FARS2: variants seen among roughly 807,000 people sequenced by gnomAD.
FARS2 encodes the protein phenylalanyl-tRNA synthetase 2, mitochondrial.
In FARS2, 40 loss-of-function variants were observed where a neutral mutation model predicts 46.4. The ratio of observed to expected loss-of-function variants is 0.86; its 90% CI spans 0.67 to 1.12. FARS2 has a LOEUF of 1.12. Ranked by LOEUF, FARS2 falls within the 50% of genes most tolerant of loss-of-function variation. The pLI is 0.00. For missense variants in FARS2, 513 were observed against 567.9 expected (o/e 0.90, Z 0.98); for synonymous variants, 234 against 214.9 (o/e 1.09, Z -0.78).
chr6:5,397,573 T>C (rs770397813), intron 2 of FARS2, among the ~76,000 whole-genome samples: 6 of 152,210 alleles, frequency 3.9e-5, no homozygotes, highest in Non-Finnish European at 5.9e-5. Flanking sequence ...CTCTGTATCT[T>C]CCTCTCAGTT....
In FARS2 at chr6:5,764,199, C is replaced by T. The variant is rs560199464; in HGVS notation, c.1218-7092C>T. On this transcript the variant is annotated intron_variant, in intron 6 of 6. Coordinates refer to ENST00000274680, the MANE Select transcript of FARS2 (RefSeq NM_006567.5). The surrounding 1 kb of genome is among the most constrained non-coding windows in gnomAD (Gnocchi z 4.1). ...CACTCTGCAGATGGAGTTATTGAGG[C>T]GAGAAGGGTGATGTAAGCTGCCCAG... Among the ~76,000 whole-genome samples the T allele has an allele frequency of 2.0e-5, 3 of 152,156 alleles. No homozygotes were observed. Among genetic ancestry groups the T allele is most frequent in the South Asian group, 2.1e-4 (1 of 4,824 alleles).
At chr6:5,324,915 A>T (rs1321736310) in intron 1 of FARS2, among the ~76,000 whole-genome samples, 1 of 151,982 alleles carries the variant, frequency 6.6e-6, no homozygotes, top group African/African-American at 2.4e-5. Context: ...TGAGAGCATC[A>T]TGTTGAGAGA....
Position 5,758,676 on chromosome 6 carries a change from A to G in FARS2, c.1218-12615A>G, listed in dbSNP as rs73364253. On this transcript the variant is annotated intron_variant, in intron 6 of 6. Coordinates refer to ENST00000274680, the MANE Select transcript of FARS2 (RefSeq NM_006567.5). ...AATGTGTTCCCCTAAATGAGTTCCC[A>G]TCATATCTTCAACAAGTTTCACTTG... Among the ~76,000 whole-genome samples the G allele has an allele frequency of 6.0e-3, 910 of 152,322 alleles. 16 individuals are homozygous for G. Among genetic ancestry groups the G allele is most frequent in the African/African-American group, 0.02 (840 of 41,572 alleles).
chr6:5,404,724 A>G, intron 3 of FARS2, 23 bp downstream of exon 3: 2 of 1,510,472 alleles, frequency 1.3e-6, no homozygotes, highest in Non-Finnish European at 1.8e-6. Flanking sequence ...ACACAGGTTG[A>G]CGATCTCTTA....
At chr6:5,257,180 C>T (rs1461205863), upstream of FARS2, among the ~76,000 whole-genome samples, 1 of 152,078 alleles carries the variant, frequency 6.6e-6, no homozygotes, top group Non-Finnish European at 1.5e-5. Flanking sequence ...GGGTAAAGTC[C>T]AGGGTCCTCA....
At chr6:5,485,714 A>C (rs1282865155) in intron 4 of FARS2, among the ~76,000 whole-genome samples, 1 of 152,212 alleles carries the variant, frequency 6.6e-6, no homozygotes, top group Non-Finnish European at 1.5e-5. Flanking sequence ...AAAACAAGCT[A>C]CTGGACACAT....
At chr6:5,735,289 C>A (rs533661639) in intron 6 of FARS2, among the ~76,000 whole-genome samples, 87 of 152,310 alleles carry the variant, frequency 5.7e-4, no homozygotes, top group African/African-American at 2.0e-3. Context: ...AGTTTGATTC[C>A]AGATTCTCTG....
chr6:5,714,867 A>C (rs1164358502), intron 6 of FARS2, among the ~76,000 whole-genome samples: 5 of 152,158 alleles, frequency 3.3e-5, no homozygotes, highest in African/African-American at 9.7e-5. Context: ...TCTACTAAAA[A>C]TACAAAAATT....
chr6:5,440,240 C>A (rs1005463086), intron 4 of FARS2, among the ~76,000 whole-genome samples: 5 of 151,976 alleles, frequency 3.3e-5, no homozygotes, highest in East Asian at 1.9e-4. Flanking sequence ...GTCAGATATA[C>A]CTACATATAG....
chr6:5,685,001 AG>A (rs1363022117), intron 6 of FARS2, among the ~76,000 whole-genome samples: 2 of 152,118 alleles, frequency 1.3e-5, no homozygotes, highest in African/African-American at 4.8e-5. Context: ...CTCTTCTTGA[AG>A]TAAAGAAACT....
At chr6:5,315,741 C>CTTTCTTCCTTT (rs755531154) in intron 1 of FARS2, among the ~76,000 whole-genome samples, 1 of 60,004 alleles carries the variant, frequency 1.7e-5, no homozygotes, top group African/African-American at 4.5e-5. Context: ...TTTCTTTTTT[C>CTTTCTTCCTTT]CTTTCTTTCT....
intron 4 of FARS2, among the ~76,000 whole-genome samples, chr6:5,448,633 A>G (rs923831004): frequency 1.2e-4 from 18 of 152,208 alleles, no homozygotes; most frequent in African/African-American, 4.3e-4. Flanking sequence ...CTCTTTTGCT[A>G]TTAAAAACAA....
intron 5 of FARS2, among the ~76,000 whole-genome samples, chr6:5,563,607 G>A (rs149638951): frequency 6.6e-5 from 10 of 152,260 alleles, no homozygotes; most frequent in South Asian, 2.1e-4. Context: ...AAGGGGTTTC[G>A]AATGGGGAAC....
At chr6:5,370,894 ATCT>A (rs1581910874) in intron 2 of FARS2, among the ~76,000 whole-genome samples, 1 of 152,190 alleles carries the variant, frequency 6.6e-6, no homozygotes, top group Non-Finnish European at 1.5e-5. Context: ...TATGTATCTA[ATCT>A]TCTTATATAA....
chr6:5,574,841 C>T (rs1016404356), intron 5 of FARS2, among the ~76,000 whole-genome samples: 10 of 152,106 alleles, frequency 6.6e-5, no homozygotes, highest in African/African-American at 1.7e-4. Flanking sequence ...TTGCAGATAA[C>T]GAAACCTGTA....
intron 1 of FARS2, chr6:5,291,045 C>T (rs1034593744): frequency 6.6e-6 from 1 of 152,200 alleles, no homozygotes; most frequent in African/African-American, 2.4e-5. Context: ...AGGAAAATTT[C>T]TTTCCAAATG....
chr6:5,407,891 C>G (rs1761705766), intron 3 of FARS2, among the ~76,000 whole-genome samples: 1 of 152,122 alleles, frequency 6.6e-6, no homozygotes, highest in Admixed American at 6.5e-5. Context: ...TTGAGCTGTT[C>G]AGGCCATTTT....
intron 6 of FARS2, among the ~76,000 whole-genome samples, chr6:5,614,165 A>G (rs1387121903): frequency 6.6e-6 from 1 of 152,166 alleles, no homozygotes; most frequent in Non-Finnish European, 1.5e-5. Context: ...GTGGGAAGCT[A>G]TAGAAGGATA....
intron 4 of FARS2, among the ~76,000 whole-genome samples, chr6:5,503,411 G>C (rs62385459): frequency 0.019 from 1,521 of 79,176 alleles, 23 homozygotes; most frequent in African/African-American, 0.046. Flanking sequence ...CACACAGAGA[G>C]AGAGAGAGAG....
Sources: allele counts gnomAD v4.1 joint callset (sites outside exome capture counted in the v4.1 genomes callset), GRCh38; gene constraint gnomAD v4.1.1; non-coding constraint Gnocchi (gnomAD v3.1); transcripts MANE v1.5; gene names NCBI Gene and HGNC (gene_info 2026-07-23, HGNC 2026-07-21).